The following ME3 variants were observed in gnomAD, a reference collection of about 807,000 sequenced individuals.
ME3 encodes malic enzyme 3.
ME3 carries 48 observed loss-of-function variants against 68.9 expected under a neutral mutation model. That is an observed-to-expected ratio of 0.70 (90% CI 0.55 to 0.89). ME3 has a LOEUF of 0.89. Among genes scored for constraint, ME3 ranks in the 40% least tolerant of loss-of-function variants. ME3 has a pLI of 0.00. For synonymous variants in ME3, 320 were observed against 318.8 expected (o/e 1.00, Z -0.04); for missense variants, 675 against 797.4 (o/e 0.85, Z 1.85).
intron 2 of ME3, among the ~76,000 whole-genome samples, chr11:86,653,486 T>C (rs1945621607): frequency 6.6e-6 from 1 of 152,232 alleles, no homozygotes; most frequent in Non-Finnish European, 1.5e-5. Context: ...AACCTGCTCC[T>C]GAATGACTAC....
intron 7 of ME3, among the ~76,000 whole-genome samples, chr11:86,485,305 A>G (rs1330662903): frequency 2.0e-5 from 3 of 152,276 alleles, no homozygotes; most frequent in South Asian, 4.2e-4. Flanking sequence ...TCTCTTCACT[A>G]TCGTAGTTAT....
chr11:86,528,094 C>T (rs11234678), intron 4 of ME3, among the ~76,000 whole-genome samples: 10,915 of 152,222 alleles, frequency 0.072, 474 homozygotes, highest in Non-Finnish European at 0.1. Flanking sequence ...CATCAGTGTG[C>T]TGTATTCAGG....
At chr11:86,641,130 T>G (rs10501628) in intron 2 of ME3, among the ~76,000 whole-genome samples, 54,317 of 151,894 alleles carry the variant, frequency 0.36, 11,446 homozygotes, top group Non-Finnish European at 0.47. Flanking sequence ...TTACTGACCC[T>G]TATGCAATTC....
intron 4 of ME3, among the ~76,000 whole-genome samples, chr11:86,531,992 C>CA (rs1295531000): frequency 3.2e-5 from 4 of 126,286 alleles, no homozygotes; most frequent in African/African-American, 1.2e-4. Context: ...AAAACCAAAC[C>CA]AAAAAAAAAC....
At chr11:86,497,441 T>C (rs1197831967) in intron 6 of ME3, among the ~76,000 whole-genome samples, 1 of 152,184 alleles carries the variant, frequency 6.6e-6, no homozygotes, top group African/African-American at 2.4e-5. Flanking sequence ...CTGAGCTCCT[T>C]AAACCACAAA....
At chr11:86,645,856 C>G (rs950662218) in intron 2 of ME3, among the ~76,000 whole-genome samples, 2 of 152,210 alleles carry the variant, frequency 1.3e-5, no homozygotes, top group African/African-American at 4.8e-5. Flanking sequence ...GACGAAGGAA[C>G]AGGCAGCAAT....
chr11:86,593,189 C>CCTATAAGAAGCAAACTGACAAT (rs1554994760), intron 2 of ME3, among the ~76,000 whole-genome samples: 7 of 116,942 alleles, frequency 6.0e-5, no homozygotes, highest in East Asian at 5.2e-4. Context: ...ATGATTTCCT[C>CCTATAAGAAGCAAACTGACAAT]CACCCTCCTT....
intron 2 of ME3, among the ~76,000 whole-genome samples, chr11:86,657,929 GC>G (rs1373133489): frequency 6.6e-6 from 1 of 152,116 alleles, no homozygotes; most frequent in Non-Finnish European, 1.5e-5. Context: ...ATTCAGGGAT[GC>G]AAGTAAAGAA....
chr11:86,436,778 C>CA, downstream of ME3: 1 of 152,048 alleles, frequency 6.6e-6, no homozygotes, highest in South Asian at 2.1e-4. Flanking sequence ...ACAATTTGTT[C>CA]AAAAGACTCT....
At chr11:86,519,300 ATCC>A (rs2139170604) in intron 4 of ME3, among the ~76,000 whole-genome samples, 1 of 152,336 alleles carries the variant, frequency 6.6e-6, no homozygotes, top group East Asian at 1.9e-4. Flanking sequence ...AGCCAGAAAA[ATCC>A]TCTTGAATGT....
intron 4 of ME3, among the ~76,000 whole-genome samples, chr11:86,547,141 G>A (rs1565934657): frequency 6.6e-6 from 1 of 151,302 alleles, no homozygotes; most frequent in Non-Finnish European, 1.5e-5. Flanking sequence ...AGGAGGCTGA[G>A]GCAGGAGAAT....
chr11:86,543,984 A>G (rs1956212585), intron 4 of ME3, among the ~76,000 whole-genome samples: 1 of 148,396 alleles, frequency 6.7e-6, no homozygotes. Flanking sequence ...TCAAATCAGA[A>G]CTCAGGATTA....
intron 2 of ME3, among the ~76,000 whole-genome samples, chr11:86,591,900 T>G (rs1347480980): frequency 6.6e-6 from 1 of 151,938 alleles, no homozygotes; most frequent in Non-Finnish European, 1.5e-5. Context: ...AAGATGAGAT[T>G]TGGGTGGGGA....
intron 14 of ME3, among the ~76,000 whole-genome samples, 155 bp from the exon 15 acceptor site, chr11:86,441,595 T>C (rs978261310): frequency 6.6e-6 from 1 of 152,152 alleles, no homozygotes; most frequent in Non-Finnish European, 1.5e-5. Context: ...TAGGAAGGAT[T>C]TTAAGCTTTC....
chr11:86,494,052 G>GAA (rs57702708), intron 6 of ME3, among the ~76,000 whole-genome samples: 69,650 of 148,300 alleles, frequency 0.47, 16,600 homozygotes, highest in South Asian at 0.52. Context: ...CGGTTTCATT[G>GAA]AAAAAAAAAA....
At chr11:86,495,119 A>C (rs1412453568) in intron 6 of ME3, among the ~76,000 whole-genome samples, 1 of 152,200 alleles carries the variant, frequency 6.6e-6, no homozygotes, top group African/African-American at 2.4e-5. Flanking sequence ...ATGTGGGGAG[A>C]GGAGCACAAA....
intron 14 of ME3, 126 bp from the exon 15 acceptor site, chr11:86,441,566 G>T: frequency 1.1e-6 from 1 of 908,916 alleles, no homozygotes; most frequent in Non-Finnish European, 1.6e-6. Context: ...TCATGAGTAT[G>T]GCTCATGAAA....
intron 2 of ME3, among the ~76,000 whole-genome samples, chr11:86,638,032 A>G (rs1331416857): frequency 6.7e-6 from 1 of 150,064 alleles, no homozygotes; most frequent in African/African-American, 2.5e-5. Context: ...TGTCTTTACT[A>G]TGGCACCTGG....
At chr11:86,651,943 G>A (rs201011056) in intron 2 of ME3, among the ~76,000 whole-genome samples, 34 of 152,332 alleles carry the variant, frequency 2.2e-4, no homozygotes, top group Non-Finnish European at 4.1e-4. Context: ...ACCACATGAC[G>A]AATGCACAAG....
Sources: allele counts gnomAD v4.1 joint callset (sites outside exome capture counted in the v4.1 genomes callset), GRCh38; gene constraint gnomAD v4.1.1; transcripts MANE v1.5; gene names NCBI Gene and HGNC (gene_info 2026-07-23, HGNC 2026-07-21).